Variants in PRKCE observed in about 807,000 individuals in gnomAD.
PRKCE encodes the protein protein kinase C epsilon, also known as protein kinase C epsilon type.
Under a neutral mutation model 85.4 loss-of-function variants are expected in PRKCE, and 16 were observed. That is an observed-to-expected ratio of 0.19 (90% CI 0.13 to 0.28). The LOEUF (loss-of-function observed/expected upper bound fraction) is 0.28, where lower values mean the gene tolerates loss of function less well. Ranked by LOEUF, PRKCE falls within the 10% of genes least tolerant of loss-of-function variation. The pLI, the probability that PRKCE is intolerant of heterozygous loss-of-function variation, is 1.00. For synonymous variants in PRKCE, 388 were observed against 371.5 expected, an observed-to-expected ratio of 1.04 and a Z score of -0.51; for missense variants, 573 against 975.2, an observed-to-expected ratio of 0.59 and a Z score of 5.49.
At position 46,151,023 on chromosome 2, in the gene PRKCE, TGCTG is replaced by T; in HGVS notation, c.1732-16_1732-13del. On this transcript the variant is annotated splice_polypyrimidine_tract_variant and intron_variant, in intron 12 of 14. Coordinates refer to ENST00000306156, the MANE Select transcript of PRKCE (RefSeq NM_005400.3). ...GGGAGCCTTTGATGGTGCCTGACAT[TGCTG>T]GTTTCCTGAACAGATCCTGCAGGAG... 1.3e-6 allele frequency: 2 copies of T among 1,585,624 alleles called. No homozygotes were observed. The highest frequency in any genetic ancestry group is 1.7e-6 in the Non-Finnish European group (2 of 1,169,362).
chr2:45,807,948 G>A (rs1403465078), intron 1 of PRKCE, among the ~76,000 whole-genome samples: 1 of 151,854 alleles, frequency 6.6e-6, no homozygotes, highest in East Asian at 1.9e-4. Context: ...AATTCGAAGG[G>A]TATTTCTACT....
chr2:46,064,907 G>C (rs1402807018), intron 10 of PRKCE, among the ~76,000 whole-genome samples: 1 of 152,190 alleles, frequency 6.6e-6, no homozygotes, highest in Non-Finnish European at 1.5e-5. Context: ...GGAAAGGGGA[G>C]GCCCCATTGT....
At chr2:45,852,772 C>A (rs1692378407) in intron 2 of PRKCE, among the ~76,000 whole-genome samples, 1 of 152,166 alleles carries the variant, frequency 6.6e-6, no homozygotes, top group Non-Finnish European at 1.5e-5. Flanking sequence ...TTATTTAAGT[C>A]TAAATGGATC....
At chr2:45,904,782 C>T (rs1312922128) in intron 2 of PRKCE, among the ~76,000 whole-genome samples, 8 of 152,194 alleles carry the variant, frequency 5.3e-5, no homozygotes, top group Non-Finnish European at 8.8e-5. Flanking sequence ...GCTGTCTCCC[C>T]GCTGCCCCAG....
rs570643454 is a variant in PRKCE at position 45,989,274 on chromosome 2, C to T, written c.823+4594C>T. ...GGCCTGGAGATTCCTAAAGAATCTT[C>T]TTCCTCGCTCCTGCCTCTCTCTGAC... On this transcript the variant is annotated intron_variant, in intron 6 of 14. Coordinates refer to ENST00000306156, the MANE Select transcript of PRKCE (RefSeq NM_005400.3). Among the ~76,000 whole-genome samples, 14 of 152,370 alleles carry T rather than the reference C, an allele frequency of 9.2e-5. No individual in the cohort carries two copies. The East Asian group carries it at 1.7e-3, about 19-fold the overall frequency.
chr2:46,118,509 C>CA lies in PRKCE; in HGVS notation c.1593-26578dup, dbSNP rs750220187. Among the ~76,000 whole-genome samples the CA allele has an allele frequency of 4.6e-5, 7 of 152,144 alleles. No individual in the cohort carries two copies. The East Asian group carries it at 9.6e-4, about 21-fold the overall frequency. The stretch of plus-strand genomic sequence containing the variant: ...CAGAAGCAAGGTGTTAAATATTATC[C>CA]AAAAAATGCAGACACAATATACTCT... On this transcript the variant is annotated intron_variant, in intron 11 of 14. Transcript: ENST00000306156.
intron 1 of PRKCE, among the ~76,000 whole-genome samples, chr2:45,820,925 C>T (rs984252680): frequency 2.0e-5 from 3 of 149,218 alleles, no homozygotes; most frequent in Admixed American, 6.7e-5. Flanking sequence ...AAACTGCAAT[C>T]TTATGAGGTT....
intron 2 of PRKCE, among the ~76,000 whole-genome samples, chr2:45,850,942 A>C (rs930186924): frequency 3.3e-5 from 5 of 152,230 alleles, no homozygotes; most frequent in Non-Finnish European, 7.3e-5. Context: ...GCCTGCTGTC[A>C]GGAAGCTCAT....
In PRKCE at chr2:45,652,298, C is replaced by T. The variant is rs1403008214; in HGVS notation, c.198C>T (p.His66=). Residue 66 remains histidine (H), a synonymous_variant, in exon 1 of 15, where the codon CAC becomes CAT. Transcript: ENST00000306156. This position sits in a 1 kb window ranked among gnomAD's most constrained non-coding sequence, Gnocchi z 7.7. ...AGAAGACCAACAGCCCGGCCTGGCA[C>T]GACGAGTTCGTCACCGATGTGTGCA... ...TKQKTNSPAW[H]DEFVTDVCNG... is the part of the protein sequence containing the mutation. 6 of 1,613,624 alleles carry T rather than the reference C, an allele frequency of 3.7e-6. No individual in the cohort carries two copies. Among genetic ancestry groups the T allele is most frequent in the East Asian group, 2.2e-5 (1 of 44,812 alleles).
At chr2:45,982,359 C>A (rs540421982) in intron 5 of PRKCE, among the ~76,000 whole-genome samples, 4 of 152,196 alleles carry the variant, frequency 2.6e-5, no homozygotes, top group Admixed American at 1.3e-4. Context: ...CCCTAAACAC[C>A]ATGCTTTCAA....
intron 1 of PRKCE, among the ~76,000 whole-genome samples, chr2:45,768,565 G>A (rs1013696076): frequency 6.6e-6 from 1 of 152,202 alleles, no homozygotes; most frequent in East Asian, 1.9e-4. Context: ...GTTAGGAGGG[G>A]ACAGTGAGGG....
intron 2 of PRKCE, among the ~76,000 whole-genome samples, chr2:45,893,359 T>C (rs77830540): frequency 0.36 from 51,346 of 144,468 alleles, 9,316 homozygotes; most frequent in East Asian, 0.54. Flanking sequence ...TTTTCTTTTT[T>C]TTTTTTTTTT....
chr2:46,134,322 A>T (rs953810626), intron 11 of PRKCE, among the ~76,000 whole-genome samples: 3 of 152,148 alleles, frequency 2.0e-5, no homozygotes, highest in African/African-American at 7.2e-5. Context: ...GGAGACAGGG[A>T]CCATCTGAAG....
intron 14 of PRKCE, among the ~76,000 whole-genome samples, chr2:46,169,660 C>A (rs1035857703): frequency 1.3e-5 from 2 of 152,120 alleles, no homozygotes; most frequent in African/African-American, 4.8e-5. Flanking sequence ...TAAACCAGAC[C>A]CTGACCTAGG....
intron 1 of PRKCE, among the ~76,000 whole-genome samples, chr2:45,693,943 G>C (rs1677941359): frequency 6.6e-6 from 1 of 152,070 alleles, no homozygotes; most frequent in Non-Finnish European, 1.5e-5. Flanking sequence ...TTAGGGAACA[G>C]ATAGGGAGTC....
chr2:46,172,540 G>A (rs1325251712), intron 14 of PRKCE, among the ~76,000 whole-genome samples: 2 of 152,236 alleles, frequency 1.3e-5, no homozygotes, highest in South Asian at 2.1e-4. Flanking sequence ...AGGAATAAGC[G>A]CCATCCCTCA....
At chr2:45,887,880 G>T (rs946431049) in intron 2 of PRKCE, among the ~76,000 whole-genome samples, 1 of 152,140 alleles carries the variant, frequency 6.6e-6, no homozygotes, top group African/African-American at 2.4e-5. Flanking sequence ...CATCTAACTG[G>T]CCCAACTGAA....
intron 10 of PRKCE, among the ~76,000 whole-genome samples, chr2:46,071,571 C>T (rs1287402608): frequency 6.6e-6 from 1 of 152,130 alleles, no homozygotes; most frequent in African/African-American, 2.4e-5. Context: ...ACCCCTATAC[C>T]ACACCAATGA....
At chr2:45,709,039 C>T (rs1053631657) in intron 1 of PRKCE, among the ~76,000 whole-genome samples, 1 of 152,210 alleles carries the variant, frequency 6.6e-6, no homozygotes, top group Non-Finnish European at 1.5e-5. Flanking sequence ...AAGACAATGG[C>T]TTGAGTCAGG....
Sources: allele counts gnomAD v4.1 joint callset (sites outside exome capture counted in the v4.1 genomes callset), GRCh38; gene constraint gnomAD v4.1.1; non-coding constraint Gnocchi (gnomAD v3.1); transcripts MANE v1.5; gene names NCBI Gene and HGNC (gene_info 2026-07-23, HGNC 2026-07-21).